EIF2B3: variants seen among roughly 807,000 people sequenced by gnomAD.
EIF2B3 encodes the protein translation initiation factor eIF2B subunit gamma.
A neutral mutation model predicts 54.1 loss-of-function variants in EIF2B3; 20 were observed. The observed-to-expected ratio is 0.37, with a 90% CI of 0.26 to 0.54. EIF2B3 has a LOEUF of 0.54. EIF2B3 is among the 20% of genes least tolerant of loss of function. The probability of loss-of-function intolerance (pLI) is 0.86; values close to 1 mark genes in which losing one functional copy is unlikely to be tolerated. For synonymous variants in EIF2B3, 153 were observed against 188.1 expected (o/e 0.81, Z 1.52); for missense variants, 448 against 547.8 (o/e 0.82, Z 1.82).
chr1:44,892,328 C>T (rs1655822939), intron 6 of EIF2B3, among the ~76,000 whole-genome samples: 1 of 151,990 alleles, frequency 6.6e-6, no homozygotes, highest in Admixed American at 6.6e-5. Flanking sequence ...ACTTGTAATC[C>T]CAGCTCTTTG....
At chr1:44,960,272 C>G (rs1287395461) in intron 3 of EIF2B3, among the ~76,000 whole-genome samples, 1 of 151,674 alleles carries the variant, frequency 6.6e-6, no homozygotes, top group African/African-American at 2.4e-5. Flanking sequence ...AACCATATAT[C>G]AAAAATATTC....
intron 5 of EIF2B3, among the ~76,000 whole-genome samples, chr1:44,918,057 G>A (rs933415869): frequency 4.8e-5 from 7 of 145,304 alleles, no homozygotes; most frequent in South Asian, 2.2e-4. Flanking sequence ...ACAGGCATGA[G>A]CCACTGTGCC....
chr1:44,951,705 T>C (rs565040953), intron 3 of EIF2B3, among the ~76,000 whole-genome samples: 11 of 152,132 alleles, frequency 7.2e-5, no homozygotes, highest in African/African-American at 2.4e-4. Context: ...AGCAATACAT[T>C]TCCTAGCCAA....
chr1:44,897,805 C>T (rs1245839742), intron 5 of EIF2B3, among the ~76,000 whole-genome samples: 5 of 147,228 alleles, frequency 3.4e-5, no homozygotes, highest in African/African-American at 5.1e-5. Context: ...GGCGTGATCT[C>T]GGCTCACTGC....
intron 11 of EIF2B3, among the ~76,000 whole-genome samples, chr1:44,854,385 C>T (rs922349818): frequency 3.3e-5 from 5 of 151,742 alleles, no homozygotes; most frequent in African/African-American, 1.2e-4. Flanking sequence ...GTATTTTTGC[C>T]AGAGATAACC....
intron 3 of EIF2B3, among the ~76,000 whole-genome samples, chr1:44,962,553 G>A (rs971413571): frequency 6.6e-6 from 1 of 152,076 alleles, no homozygotes; most frequent in African/African-American, 2.4e-5. Flanking sequence ...TGTGACTACT[G>A]GTGCACACCA....
intron 4 of EIF2B3, among the ~76,000 whole-genome samples, chr1:44,930,767 A>C (rs1400276630): frequency 6.6e-6 from 1 of 151,620 alleles, no homozygotes; most frequent in South Asian, 2.1e-4. Context: ...CAACCTCCCA[A>C]GTAGCTGGGA....
At chr1:44,924,353 A>C (rs1643810667) in intron 5 of EIF2B3, among the ~76,000 whole-genome samples, 1 of 152,114 alleles carries the variant, frequency 6.6e-6, no homozygotes. Flanking sequence ...TTCTTTAGCT[A>C]TTTTAAAATT....
chr1:44,933,209 AG>A (rs1643912523), intron 4 of EIF2B3, among the ~76,000 whole-genome samples: 1 of 152,186 alleles, frequency 6.6e-6, no homozygotes, highest in Non-Finnish European at 1.5e-5. Context: ...AAACAAAAGG[AG>A]GAAAGAGAAA....
At chr1:44,979,010 G>A (rs1442363967) in intron 2 of EIF2B3, among the ~76,000 whole-genome samples, 2 of 151,942 alleles carry the variant, frequency 1.3e-5, no homozygotes, top group Non-Finnish European at 2.9e-5. Flanking sequence ...TGCTGGCTGG[G>A]CGCAGTGGCT....
intron 5 of EIF2B3, among the ~76,000 whole-genome samples, chr1:44,899,824 T>C (rs1643237655): frequency 6.6e-6 from 1 of 152,200 alleles, no homozygotes; most frequent in Admixed American, 6.5e-5. Flanking sequence ...CAGCAATCCA[T>C]TACTGGGTAT....
chr1:44,981,279 T>C, intron 1 of EIF2B3, 102 bp from the exon 2 acceptor site: 3 of 1,190,248 alleles, frequency 2.5e-6, no homozygotes, highest in South Asian at 2.5e-5. Flanking sequence ...TGATACCCAC[T>C]ATGTCAAATG....
chr1:44,865,181 C>T lies in EIF2B3; in HGVS notation c.1203-7374G>A, dbSNP rs561012738. 2.0e-5 allele frequency among the ~76,000 whole-genome samples: 3 copies of T among 148,204 alleles called. No individual in the cohort carries two copies. The East Asian group carries it at 6.0e-4, about 30-fold the overall frequency. The stretch of plus-strand genomic sequence containing the variant: ...TTGCAGTGAGCTGAAATTGTCACTG[C>T]ACTCCAGCCTGGGCAACAGAGCGAG... On this transcript the variant is annotated intron_variant, in intron 10 of 11. Transcript: ENST00000360403.
At chr1:44,874,034 T>C (rs1655044993) in intron 10 of EIF2B3, among the ~76,000 whole-genome samples, 1 of 150,372 alleles carries the variant, frequency 6.7e-6, no homozygotes, top group South Asian at 2.1e-4. Context: ...AACCCAAAAA[T>C]CTGAACTCTC....
At chr1:44,896,024 TC>T (rs1655958733) in intron 6 of EIF2B3, among the ~76,000 whole-genome samples, 1 of 152,170 alleles carries the variant, frequency 6.6e-6, no homozygotes, top group African/African-American at 2.4e-5. Flanking sequence ...AGCTCTTGGA[TC>T]ACCCTCTAAA....
chr1:44,866,009 G>T (rs2148896935), intron 10 of EIF2B3, among the ~76,000 whole-genome samples: 1 of 152,186 alleles, frequency 6.6e-6, no homozygotes, highest in Admixed American at 6.5e-5. Context: ...TTAAATCAGA[G>T]ATCTCCATTT....
chr1:44,889,032 T>G (rs1655702695), intron 6 of EIF2B3, among the ~76,000 whole-genome samples: 1 of 152,258 alleles, frequency 6.6e-6, no homozygotes, highest in African/African-American at 2.4e-5. Flanking sequence ...AGTGATGCCC[T>G]GGGTTCAATT....
chr1:44,873,829 T>C (rs1335732173), intron 10 of EIF2B3, among the ~76,000 whole-genome samples: 2 of 151,526 alleles, frequency 1.3e-5, no homozygotes, highest in African/African-American at 4.8e-5. Flanking sequence ...TTTGTATTTT[T>C]AGTAGAGATG....
chr1:44,965,486 TAG>T (rs1644327153), intron 3 of EIF2B3, among the ~76,000 whole-genome samples: 1 of 144,660 alleles, frequency 6.9e-6, no homozygotes, highest in African/African-American at 2.6e-5. Context: ...AGTCTAGAGT[TAG>T]AGTGATTATA....
Sources: allele counts gnomAD v4.1 joint callset (sites outside exome capture counted in the v4.1 genomes callset), GRCh38; gene constraint gnomAD v4.1.1; transcripts MANE v1.5; gene names NCBI Gene and HGNC (gene_info 2026-07-23, HGNC 2026-07-21).